The following RBM19 variants were observed in gnomAD, a reference collection of about 807,000 sequenced individuals.
RBM19 encodes RNA binding motif protein 19, also known as probable RNA-binding protein 19.
In RBM19, 94 loss-of-function variants were observed where a neutral mutation model predicts 116.8. The observed-to-expected ratio is 0.80, with a 90% CI of 0.68 to 0.95. RBM19 has a LOEUF of 0.95. Ranked by LOEUF, RBM19 falls within the 40% of genes least tolerant of loss-of-function variation. RBM19 has a pLI of 0.00. For missense variants in RBM19, 1,161 were observed against 1,220.7 expected (o/e 0.95, Z 0.73); for synonymous variants, 475 against 494.1 (o/e 0.96, Z 0.51).
chr12:113,871,318 G>T (rs1879188796), intron 21 of RBM19, among the ~76,000 whole-genome samples: 1 of 152,224 alleles, frequency 6.6e-6, no homozygotes, highest in Non-Finnish European at 1.5e-5. Flanking sequence ...TTTTATTTTA[G>T]AAACAAACTC....
intron 22 of RBM19, among the ~76,000 whole-genome samples, chr12:113,857,822 CT>C (rs1314292481): frequency 2.6e-5 from 4 of 152,258 alleles, no homozygotes; most frequent in Non-Finnish European, 5.9e-5. Context: ...GACCCACCCC[CT>C]GGGCCTCTTG....
chr12:113,900,071 G>A (rs114482858), intron 21 of RBM19, among the ~76,000 whole-genome samples: 8,660 of 152,238 alleles, frequency 0.057, 831 homozygotes, highest in African/African-American at 0.2. Context: ...TCCACTGTCT[G>A]AGCTTTTGTC....
At chr12:113,931,275 C>T (rs369128285) in intron 16 of RBM19, among the ~76,000 whole-genome samples, 4 of 152,108 alleles carry the variant, frequency 2.6e-5, no homozygotes, top group South Asian at 4.2e-4. Context: ...TCCCACAAGG[C>T]CCCAGAACCC....
At chr12:113,826,865 T>C (rs1874908908) in intron 23 of RBM19, among the ~76,000 whole-genome samples, 1 of 152,156 alleles carries the variant, frequency 6.6e-6, no homozygotes, top group Non-Finnish European at 1.5e-5. Context: ...ACGCGGAGCC[T>C]GGCTTTGTGG....
At chr12:113,926,801 T>G (rs1593597607) in intron 17 of RBM19, among the ~76,000 whole-genome samples, 1 of 152,248 alleles carries the variant, frequency 6.6e-6, no homozygotes, top group Non-Finnish European at 1.5e-5. Flanking sequence ...CCCGAAAGAT[T>G]CCGGTATGCC....
Position 113,962,377 on chromosome 12 carries a change from AAG to A in RBM19, c.72_73del (p.Phe25ArgfsTer87). The stretch of plus-strand genomic sequence containing the variant: ...CAGGCTGCAGTCTGTCAGCGTGCCG[AAG>A]GCGGCAAACAGCTGCCTGAAACGCT... On this transcript the variant is annotated frameshift_variant, in exon 2 of 24. Transcript: ENST00000261741. LOFTEE classifies it high-confidence loss of function. 1 of 1,614,232 alleles carries A rather than the reference AAG, an allele frequency of 6.2e-7. No individual in the cohort carries two copies. The highest frequency in any genetic ancestry group is 8.5e-7 in the Non-Finnish European group (1 of 1,180,018).
At chr12:113,871,230 C>T (rs1788295070) in intron 21 of RBM19, among the ~76,000 whole-genome samples, 1 of 152,268 alleles carries the variant, frequency 6.6e-6, no homozygotes, top group Admixed American at 6.5e-5. Context: ...CTGAAACCCA[C>T]ATACTAAGCT....
chr12:113,944,941 C>G (rs1266777098), intron 13 of RBM19, among the ~76,000 whole-genome samples: 2 of 151,732 alleles, frequency 1.3e-5, no homozygotes, highest in Non-Finnish European at 2.9e-5. Flanking sequence ...TAAAAAGTAT[C>G]CTTTTATAGA....
intron 21 of RBM19, among the ~76,000 whole-genome samples, chr12:113,878,429 C>A (rs925643628): frequency 1.4e-4 from 22 of 152,192 alleles, no homozygotes; most frequent in African/African-American, 1.7e-4. Flanking sequence ...CCCAATGTGT[C>A]ATTTACCTGA....
At chr12:113,842,306 G>C (rs1042249230) in intron 23 of RBM19, among the ~76,000 whole-genome samples, 6 of 152,222 alleles carry the variant, frequency 3.9e-5, no homozygotes, top group African/African-American at 1.4e-4. Context: ...TGGGGGTGGC[G>C]GGGCAGATGG....
chr12:113,846,902 G>A (rs755950965), intron 22 of RBM19, among the ~76,000 whole-genome samples: 2 of 152,060 alleles, frequency 1.3e-5, no homozygotes, highest in African/African-American at 2.4e-5. Context: ...TTGTAGAGAC[G>A]GGGTCTCCCT....
intron 1 of RBM19, among the ~76,000 whole-genome samples, 192 bp from the exon 2 acceptor site, chr12:113,962,606 C>T (rs1872598508): frequency 6.6e-6 from 1 of 152,166 alleles, no homozygotes; most frequent in Non-Finnish European, 1.5e-5. Context: ...TGAGAAAGTC[C>T]CTTAACCACT....
chr12:113,839,707 G>A (rs1296699926), intron 23 of RBM19, among the ~76,000 whole-genome samples: 2 of 152,210 alleles, frequency 1.3e-5, no homozygotes, highest in Non-Finnish European at 2.9e-5. Flanking sequence ...TATGGCTTTT[G>A]TTACTTCCCT....
chr12:113,936,622 T>C (rs1353178702), intron 16 of RBM19, among the ~76,000 whole-genome samples: 1 of 152,222 alleles, frequency 6.6e-6, no homozygotes. Context: ...TTGCAGTCAC[T>C]GGACATCAGA....
At chr12:113,964,016 C>T (rs1417140485) in intron 1 of RBM19, among the ~76,000 whole-genome samples, 4 of 152,332 alleles carry the variant, frequency 2.6e-5, no homozygotes, top group South Asian at 2.1e-4. Flanking sequence ...CCACAGCACT[C>T]GGTTCACATG....
intron 23 of RBM19, among the ~76,000 whole-genome samples, chr12:113,828,517 C>T (rs1174523923): frequency 7.5e-6 from 1 of 133,182 alleles, no homozygotes; most frequent in African/African-American, 2.8e-5. Flanking sequence ...GGGCAGGGGG[C>T]GGGGGCACAG....
intron 23 of RBM19, among the ~76,000 whole-genome samples, chr12:113,837,804 G>C (rs2135706893): frequency 6.6e-6 from 1 of 152,346 alleles, no homozygotes; most frequent in South Asian, 2.1e-4. Context: ...TAAAACAGAG[G>C]ATTGCGACAG....
chr12:113,959,745 C>T, intron 4 of RBM19, 120 bp downstream of exon 4: 1 of 1,242,120 alleles, frequency 8.1e-7, no homozygotes, highest in Middle Eastern at 2.5e-4. Context: ...AGCCTCCACC[C>T]TCTCCAGCCT....
intron 23 of RBM19, among the ~76,000 whole-genome samples, chr12:113,837,248 C>CACAT (rs1876040964): frequency 6.8e-6 from 1 of 146,544 alleles, no homozygotes; most frequent in South Asian, 2.2e-4. Flanking sequence ...CCTCCTAATA[C>CACAT]ACACACACAC....
Sources: allele counts gnomAD v4.1 joint callset (sites outside exome capture counted in the v4.1 genomes callset), GRCh38; gene constraint gnomAD v4.1.1; transcripts MANE v1.5; gene names NCBI Gene and HGNC (gene_info 2026-07-23, HGNC 2026-07-21).